Variants in PPP1R21 observed in about 807,000 individuals in gnomAD.
PPP1R21 encodes KLRAQ motif containing 1.
PPP1R21 carries 85 observed loss-of-function variants against 112.8 expected under a neutral mutation model. The ratio of observed to expected loss-of-function variants is 0.75; its 90% confidence interval spans 0.63 to 0.90. The LOEUF is 0.90. Ranked by LOEUF, PPP1R21 falls within the 40% of genes least tolerant of loss-of-function variation. PPP1R21 has a pLI of 0.00. For synonymous variants in PPP1R21, 381 were observed against 322.3 expected, an observed-to-expected ratio of 1.18 and a Z score of -1.95; for missense variants, 1,199 against 901.5, an observed-to-expected ratio of 1.33 and a Z score of -4.23.
chr2:48,462,781 A>G (rs1449646458), intron 7 of PPP1R21, among the ~76,000 whole-genome samples: 1 of 152,212 alleles, frequency 6.6e-6, no homozygotes, highest in Non-Finnish European at 1.5e-5. Context: ...GTGTACTCAC[A>G]AGGTTAATCT....
intron 17 of PPP1R21, among the ~76,000 whole-genome samples, chr2:48,503,462 T>G (rs777746171): frequency 6.6e-6 from 1 of 152,220 alleles, no homozygotes; most frequent in Non-Finnish European, 1.5e-5. Context: ...CATTTTTATG[T>G]ATAAGGTTAT....
intron 1 of PPP1R21, chr2:48,441,481 ACAT>A: frequency 9.9e-6 from 2 of 202,690 alleles, no homozygotes; most frequent in Non-Finnish European, 1.1e-5. Flanking sequence ...GTAAATAGAG[ACAT>A]TCGGGTAAAC....
At position 48,482,720 on chromosome 2, in the gene PPP1R21, T is replaced by C. The variant is rs542452561; in HGVS notation, c.1318+2704T>C. ...GTCTGTAGTTGTAATTATGAAAATA[T>C]ATAGACCAACGTTTCCCAAAGTTTA... On this transcript the variant is annotated intron_variant, in intron 13 of 21. Coordinates refer to ENST00000294952, the MANE Select transcript of PPP1R21 (RefSeq NM_001135629.3). Among the ~76,000 whole-genome samples the C allele has an allele frequency of 1.3e-4, 19 of 151,150 alleles. No homozygotes were observed. The South Asian group carries it at 3.8e-3, about 30-fold the overall frequency.
chr2:48,459,890 A>C lies in PPP1R21; in HGVS notation c.512A>C (p.Lys171Thr), dbSNP rs2103797261. The stretch of plus-strand genomic sequence containing the variant: ...CGGAAGTACATGGAAACCATTGAGA[A>C]GCTGCAGAACGACAAGGCTAAACTA... ...LTRKYMETIE[K>T]LQNDKAKLEV... The change falls in exon 5 of 22, where the codon AAG becomes ACG. Residue 171 changes from lysine (K) to threonine (T), a missense_variant. By Grantham distance (78) the Lys-to-Thr change is moderately conservative (BLOSUM62 -1). Coordinates refer to ENST00000294952, the MANE Select transcript of PPP1R21 (RefSeq NM_001135629.3). 2.5e-6 allele frequency: 4 copies of C among 1,614,142 alleles called. No homozygotes were observed. The South Asian group carries it at 4.4e-5, about 18-fold the overall frequency.
At chr2:48,502,393 A>AT (rs1670157323) in intron 17 of PPP1R21, among the ~76,000 whole-genome samples, 1 of 152,170 alleles carries the variant, frequency 6.6e-6, no homozygotes, top group Non-Finnish European at 1.5e-5. Context: ...ACAGTGCACA[A>AT]TAGAAATAAA....
intron 16 of PPP1R21, among the ~76,000 whole-genome samples, chr2:48,497,050 A>G (rs535061697): frequency 1.3e-5 from 2 of 152,204 alleles, no homozygotes; most frequent in South Asian, 4.1e-4. Context: ...AAACTCAAAA[A>G]GGGAGTCATG....
intron 19 of PPP1R21, 61 bp from the exon 20 acceptor site, chr2:48,509,954 G>T: frequency 7.8e-7 from 1 of 1,277,322 alleles, no homozygotes; most frequent in Non-Finnish European, 1.1e-6. Context: ...AAACTTTCCC[G>T]AAGCAAATTT....
In PPP1R21 at chr2:48,465,578, A is replaced by C. The variant is rs1487723706; in HGVS notation, c.833A>C (p.Glu278Ala). 1 of 1,613,968 alleles carries C rather than the reference A, an allele frequency of 6.2e-7. No homozygotes were observed. Among genetic ancestry groups the C allele is most frequent in the East Asian group, 2.2e-5 (1 of 44,868 alleles). The part of the protein sequence containing the change: ...TALLNFHTYT[E>A]QRIQIFPVDS... ...CTTCTAAACTTTCATACCTACACAG[A>C]ACAGAGGATTCAAATTTTTCCTGTT... Residue 278 changes from glutamate (E) to alanine (A), a missense_variant, in exon 9 of 22, where the codon GAA (glutamate) becomes GCA (alanine). By Grantham distance (107) the Glu-to-Ala change is moderately radical. Transcript: ENST00000294952.
At chr2:48,445,096 TAGACTC>T (rs1243153790) in intron 1 of PPP1R21, among the ~76,000 whole-genome samples, 1 of 150,958 alleles carries the variant, frequency 6.6e-6, no homozygotes, top group Non-Finnish European at 1.5e-5. Flanking sequence ...TATAGAGAAA[TAGACTC>T]AGGAGCTGGA....
At chr2:48,481,604 G>A (rs1669014293) in intron 13 of PPP1R21, among the ~76,000 whole-genome samples, 1 of 152,206 alleles carries the variant, frequency 6.6e-6, no homozygotes, top group South Asian at 2.1e-4. Flanking sequence ...CTGGCTGGGT[G>A]CAATAGCTGA....
rs957159940 is a variant in PPP1R21, at chr2:48,454,846, CTTTG to C, written c.273+114_273+117del. 3.8e-5 allele frequency: 35 copies of C among 909,566 alleles called. No individual in the cohort carries two copies. The African/African-American group carries it at 4.7e-4, about 12-fold the overall frequency. The allele number at this position is 909,566 out of a possible 1,614,324, so 56.3% of individuals were successfully genotyped here. ...GACCCCACTGCCGAATTATTTTTTT[CTTTG>C]TTTGTTTGAGACAGGGTCTTGCTCT... On this transcript the variant is annotated intron_variant, in intron 3 of 21. Transcript: ENST00000294952.
chr2:48,449,242 T>A (rs1488714065), intron 1 of PPP1R21, among the ~76,000 whole-genome samples: 1 of 152,224 alleles, frequency 6.6e-6, no homozygotes, highest in East Asian at 1.9e-4. Context: ...CTGTTTCCAT[T>A]TGTGGAGCAT....
Position 48,454,617 on chromosome 2 carries a change from A to G in PPP1R21, c.149A>G (p.Gln50Arg). Residue 50 changes from glutamine to arginine, a missense_variant, in exon 3 of 22, where the codon CAG (glutamine) becomes CGG (arginine). Physicochemically the swap from Gln to Arg is conservative, Grantham distance 43. Coordinates refer to ENST00000294952, the MANE Select transcript of PPP1R21 (RefSeq NM_001135629.3). ...ALKEQLKMKD[Q>R]SLRKLQQEMD... ...TAGGAGCAACTGAAAATGAAGGATC[A>G]GTCATTGAGAAAACTACAACAGGAA... The G allele has an allele frequency of 6.2e-7, 1 of 1,614,156 alleles. No homozygotes were observed. Among genetic ancestry groups the G allele is most frequent in the South Asian group, 1.1e-5 (1 of 91,086 alleles).
intron 17 of PPP1R21, among the ~76,000 whole-genome samples, chr2:48,499,547 C>G (rs1311820203): frequency 6.6e-6 from 1 of 152,080 alleles, no homozygotes; most frequent in Admixed American, 6.6e-5. Context: ...CATAGTGAGA[C>G]CCTGTGTCTA....
chr2:48,479,236 G>T (rs893654070), intron 12 of PPP1R21, among the ~76,000 whole-genome samples: 2 of 152,214 alleles, frequency 1.3e-5, no homozygotes, highest in African/African-American at 2.4e-5. Flanking sequence ...GGAGCAAGAG[G>T]AGAAATCCAG....
intron 11 of PPP1R21, among the ~76,000 whole-genome samples, chr2:48,471,985 A>G (rs1668530213): frequency 6.6e-6 from 1 of 152,050 alleles, no homozygotes. Flanking sequence ...CACGCCTGTA[A>G]TCCCAGCACT....
At chr2:48,494,237 CTCAAAAAAAAAAAAAAAAA>C (rs1558503102) in intron 15 of PPP1R21, among the ~76,000 whole-genome samples, 2 of 33,894 alleles carry the variant, frequency 5.9e-5, no homozygotes, top group South Asian at 1.8e-3. Flanking sequence ...GAGACCTTGT[CTCAAAAAAAAAAAAAAAAA>C]AAAAAAAAAA....
intron 9 of PPP1R21, among the ~76,000 whole-genome samples, chr2:48,466,560 G>A (rs1411913477): frequency 6.6e-6 from 1 of 152,012 alleles, no homozygotes; most frequent in Non-Finnish European, 1.5e-5. Context: ...CAGTGTGAGC[G>A]AGTGAGTGGT....
chr2:48,496,713 T>C (rs1034872130), intron 16 of PPP1R21, among the ~76,000 whole-genome samples: 4 of 152,162 alleles, frequency 2.6e-5, no homozygotes, highest in African/African-American at 9.7e-5. Flanking sequence ...AGTGATCCCC[T>C]GCCTTGGCCT....
Sources: gnomAD v4.1 joint callset for allele counts (sites outside exome capture counted in the v4.1 genomes callset) on GRCh38, gnomAD v4.1.1 for gene constraint, MANE v1.5 for transcripts, NCBI Gene and HGNC (gene_info 2026-07-23, HGNC 2026-07-21) for gene names.